The following CWF19L1 variants were observed in gnomAD, a reference collection of about 807,000 sequenced individuals.
CWF19L1 encodes CWF19 like cell cycle control factor 1, also known as CWF19-like protein 1.
In CWF19L1, 60 loss-of-function variants were observed where a neutral mutation model predicts 69.7. That is an observed-to-expected ratio of 0.86 (90% confidence interval 0.70 to 1.07). The LOEUF (loss-of-function observed/expected upper bound fraction) is 1.07, where lower values mean the gene tolerates loss of function less well. Among genes scored for constraint, CWF19L1 ranks in the 50% least tolerant of loss-of-function variants. CWF19L1 has a pLI of 0.00. For synonymous variants in CWF19L1, 209 were observed against 222.2 expected (o/e 0.94, Z 0.53); for missense variants, 591 against 638.9 (o/e 0.92, Z 0.81).
rs777744350 is a variant in CWF19L1, at chr10:100,236,988, G to T, written c.1255-19C>A. 1.1e-5 allele frequency: 17 copies of T among 1,556,584 alleles called. No individual in the cohort carries two copies. In the South Asian group the frequency reaches 1.6e-4, roughly 15 times the overall value. ...GAATGACCTGGGGGTTGGGGAGACA[G>T]GAGAAATTCCTTGTGCAGGTCCCAG... On this transcript the variant is annotated intron_variant, in intron 11 of 13. Coordinates refer to ENST00000354105, the MANE Select transcript of CWF19L1 (RefSeq NM_018294.6).
Position 100,246,821 on chromosome 10 carries a change from T to C in CWF19L1, c.823A>G (p.Ile275Val), listed in dbSNP as rs763730415. 7.7e-5 allele frequency: 124 copies of C among 1,613,932 alleles called. No individual in the cohort carries two copies. Among genetic ancestry groups the C allele is most frequent in the Non-Finnish European group, 1.0e-4 (121 of 1,179,914 alleles). ...PYRKSGQEAS[I>V]GKQILAPVEE... is the part of the protein sequence containing the mutation. ...ACAGGGGCAAGAATTTGCTTTCCTA[T>C]GGATGCTTCCTGCCCAGATTTTCTG... The change falls in exon 8 of 14, where the codon ATA becomes GTA. Residue 275 changes from isoleucine to valine, a missense_variant. Coordinates refer to ENST00000354105, the MANE Select transcript of CWF19L1 (RefSeq NM_018294.6).
intron 10 of CWF19L1, among the ~76,000 whole-genome samples, chr10:100,240,371 C>G (rs928246524): frequency 6.6e-6 from 1 of 152,100 alleles, no homozygotes; most frequent in African/African-American, 2.4e-5. Context: ...AAAAGGCAAT[C>G]AAAAAGAATA....
intron 6 of CWF19L1, among the ~76,000 whole-genome samples, chr10:100,251,455 C>T (rs952317595): frequency 1.3e-5 from 2 of 150,000 alleles, no homozygotes; most frequent in African/African-American, 4.9e-5. Context: ...TTTTGATTTA[C>T]ATTACCATAA....
chr10:100,241,000 C>CTTTTTTTTTTTTTTTTTTT (rs56262807), intron 10 of CWF19L1, among the ~76,000 whole-genome samples: 7 of 70,630 alleles, frequency 9.9e-5, no homozygotes, highest in African/African-American at 4.5e-4. Context: ...CTAATTAAGC[C>CTTTTTTTTTTTTTTTTTTT]TTTTTTTTTT....
chr10:100,236,563 A>G (rs1465432122), intron 12 of CWF19L1, among the ~76,000 whole-genome samples: 1 of 152,196 alleles, frequency 6.6e-6, no homozygotes, highest in African/African-American at 2.4e-5. Flanking sequence ...CAAGGTCAGG[A>G]GTTCGAGACC....
chr10:100,241,959 G>A (rs1589614670), intron 10 of CWF19L1, among the ~76,000 whole-genome samples: 1 of 152,182 alleles, frequency 6.6e-6, no homozygotes, highest in East Asian at 1.9e-4. Flanking sequence ...GGTGACTATA[G>A]TGTTAAAAAT....
intron 4 of CWF19L1, among the ~76,000 whole-genome samples, chr10:100,257,050 C>T (rs2134314354): frequency 6.6e-6 from 1 of 152,316 alleles, no homozygotes; most frequent in South Asian, 2.1e-4. Context: ...TAAGACGCCA[C>T]TCTCTTCTAT....
intron 8 of CWF19L1, chr10:100,246,144 A>C: frequency 2.2e-6 from 1 of 450,378 alleles, no homozygotes; most frequent in South Asian, 3.4e-5. Context: ...TGGAAAAACG[A>C]GTTAAAATGC....
At chr10:100,250,584 G>C (rs575171843) in intron 6 of CWF19L1, among the ~76,000 whole-genome samples, 4 of 152,276 alleles carry the variant, frequency 2.6e-5, no homozygotes, top group Admixed American at 6.5e-5. Context: ...GGCTTTAAAA[G>C]AGTTGTAAAA....
chr10:100,267,621 C>T lies in CWF19L1; in HGVS notation c.-28G>A, dbSNP rs751861378. On this transcript the variant is annotated 5_prime_UTR_variant, in exon 1 of 14. Transcript: ENST00000354105. ...GTCCGAATAGTATGGGTTGCGACTGCCACCTAAAATTGGGAATGCGAATCC... is the reference window on the plus strand; with the variant it reads ...GTCCGAATAGTATGGGTTGCGACTGTCACCTAAAATTGGGAATGCGAATCC... The T allele has an allele frequency of 8.7e-6, 14 of 1,613,998 alleles. No homozygotes were observed. The highest frequency in any genetic ancestry group is 1.2e-5 in the Non-Finnish European group (14 of 1,179,928).
At chr10:100,236,400 GC>G (rs1158907531) in intron 12 of CWF19L1, among the ~76,000 whole-genome samples, 1 of 152,026 alleles carries the variant, frequency 6.6e-6, no homozygotes, top group East Asian at 1.9e-4. Flanking sequence ...GAGCTACCAT[GC>G]CCAACCCATT....
At chr10:100,259,885 G>A (rs559752860) in intron 4 of CWF19L1, among the ~76,000 whole-genome samples, 120 of 152,138 alleles carry the variant, frequency 7.9e-4, no homozygotes, top group Admixed American at 1.3e-3. Flanking sequence ...AACAAATATC[G>A]GCCAGGCGCG....
Position 100,256,291 on chromosome 10 carries a change from TG to T in CWF19L1, c.474del (p.Lys159SerfsTer30), listed in dbSNP as rs1434353664. 8 of 1,613,930 alleles carry T rather than the reference TG, an allele frequency of 5.0e-6. No individual in the cohort carries two copies. Among genetic ancestry groups the T allele is most frequent in the Non-Finnish European group, 4.2e-6 (5 of 1,179,950 alleles). Reference sequence around the variant, plus strand: ...GAATTCCCAAAGTTCCCCACACACTTGGGCCATGGGGATGTGAGCAAGATAT... The same window carrying T: ...GAATTCCCAAAGTTCCCCACACACTTGGCCATGGGGATGTGAGCAAGATAT... ...GVDILLTSPW[P>X]KCVGNFGNSS... On this transcript the variant is annotated frameshift_variant, in exon 5 of 14. Coordinates refer to ENST00000354105, the MANE Select transcript of CWF19L1 (RefSeq NM_018294.6). LOFTEE classifies it high-confidence loss of function.
intron 12 of CWF19L1, among the ~76,000 whole-genome samples, chr10:100,236,410 T>G (rs116318441): frequency 0.012 from 1,776 of 152,100 alleles, 45 homozygotes; most frequent in African/African-American, 0.04. Context: ...GCCCAACCCA[T>G]TGCCTATTTA....
At chr10:100,262,224 G>C in intron 1 of CWF19L1, 161 bp from the exon 2 acceptor site, 2 of 985,352 alleles carry the variant, frequency 2.0e-6, no homozygotes, top group Non-Finnish European at 2.4e-6. Flanking sequence ...GATCCACTGA[G>C]GGTCTCACCA....
Position 100,245,865 on chromosome 10 carries a change from T to C in CWF19L1, c.898A>G (p.Arg300Gly), listed in dbSNP as rs763135518. Residue 300 changes from arginine (R) to glycine (G), a missense_variant, in exon 9 of 14, where the codon AGG (arginine) becomes GGG (glycine). Transcript: ENST00000354105. ...FFFDLNEKQGRKRSSTGRDSK... is the reference protein window; with the variant it reads ...FFFDLNEKQGGKRSSTGRDSK... ...TCTCTACCTGTGGATGAACGCTTCC[T>C]TCCCTGCTTTTCATTTAAATCAAAG... 11 of 1,614,242 alleles carry C rather than the reference T, an allele frequency of 6.8e-6. No homozygotes were observed. The South Asian group carries it at 1.1e-4, about 16-fold the overall frequency.
intron 10 of CWF19L1, among the ~76,000 whole-genome samples, chr10:100,240,094 G>A (rs1304455637): frequency 6.6e-6 from 1 of 152,046 alleles, no homozygotes; most frequent in African/African-American, 2.4e-5. Flanking sequence ...ATAGTTTCAC[G>A]CTTGCCTAAT....
rs142671230 is a variant in CWF19L1 at position 100,233,293 on chromosome 10, G to A, written c.1551C>T (p.Asp517=). 7.9e-5 allele frequency: 128 copies of A among 1,613,834 alleles called. No individual in the cohort carries two copies. In the African/African-American group the frequency reaches 9.7e-4, roughly 12 times the overall value. Residue 517 remains aspartate, a synonymous_variant, in exon 14 of 14, where the codon GAC becomes GAT. Coordinates refer to ENST00000354105, the MANE Select transcript of CWF19L1 (RefSeq NM_018294.6). ...GGAAGCGGCGAGCCAGGGTCTCCTC[G>A]TCTTCCTTGCTGATCTGACACTGCC... ...DWRQCQISKE[D]EETLARRFRK... is the part of the protein sequence containing the mutation.
At chr10:100,246,108 C>T (rs1018803840) in intron 8 of CWF19L1, 195 bp from the exon 9 acceptor site, 4 of 495,126 alleles carry the variant, frequency 8.1e-6, no homozygotes, top group Admixed American at 3.3e-5. Flanking sequence ...CAACACTTAT[C>T]CAAACTACTG....
Sources: gnomAD v4.1 joint callset for allele counts (sites outside exome capture counted in the v4.1 genomes callset) on GRCh38, gnomAD v4.1.1 for gene constraint, MANE v1.5 for transcripts, NCBI Gene and HGNC (gene_info 2026-07-23, HGNC 2026-07-21) for gene names.